CALN1: variants seen among roughly 807,000 people sequenced by gnomAD.
CALN1 encodes calcium-binding protein 8.
CALN1 carries 17 observed loss-of-function variants against 30.6 expected under a neutral mutation model. The observed-to-expected ratio is 0.56, with a 90% CI of 0.38 to 0.83. CALN1 has a LOEUF of 0.83. Among genes scored for constraint, CALN1 ranks in the 40% least tolerant of loss-of-function variants. The probability of loss-of-function intolerance (pLI) is 0.00; values close to 1 mark genes in which losing one functional copy is unlikely to be tolerated. For synonymous variants in CALN1, 156 were observed against 131.4 expected (o/e 1.19, Z -1.28); for missense variants, 291 against 354.9 (o/e 0.82, Z 1.45).
chr7:72,114,946 A>G (rs937033866), intron 3 of CALN1, among the ~76,000 whole-genome samples: 2 of 151,874 alleles, frequency 1.3e-5, no homozygotes, highest in African/African-American at 2.4e-5. Context: ...GTGAGCCAAG[A>G]TCATATCATT....
At chr7:71,858,744 C>A (rs896600932) in intron 5 of CALN1, among the ~76,000 whole-genome samples, 2 of 152,102 alleles carry the variant, frequency 1.3e-5, no homozygotes, top group African/African-American at 2.4e-5. Context: ...GACCTGGAAG[C>A]CCCCTCCCCA....
intron 3 of CALN1, among the ~76,000 whole-genome samples, chr7:72,210,937 C>A (rs1792347116): frequency 6.6e-6 from 1 of 151,842 alleles, no homozygotes; most frequent in Non-Finnish European, 1.5e-5. Flanking sequence ...AGCTTGTGGT[C>A]CCAGCTACTT....
intron 2 of CALN1, among the ~76,000 whole-genome samples, chr7:72,377,673 T>C (rs932601887): frequency 2.0e-5 from 3 of 152,198 alleles, no homozygotes; most frequent in South Asian, 4.1e-4. Flanking sequence ...TTGACAACTT[T>C]GTTCAGTTAG....
intron 2 of CALN1, among the ~76,000 whole-genome samples, chr7:72,338,782 A>C (rs1284572123): frequency 2.6e-5 from 4 of 152,122 alleles, no homozygotes; most frequent in Admixed American, 2.6e-4. Context: ...GCATTCCCTC[A>C]AACATTCATC....
At chr7:72,475,135 T>C in the CALN1 span, among the ~76,000 whole-genome samples, 1 of 152,148 alleles carries the variant, frequency 6.6e-6, no homozygotes, top group African/African-American at 2.4e-5. Flanking sequence ...CAGCAAAGAT[T>C]GAACAAAGAT....
intron 3 of CALN1, among the ~76,000 whole-genome samples, chr7:72,239,697 A>C (rs1164163009): frequency 6.6e-6 from 1 of 152,140 alleles, no homozygotes; most frequent in African/African-American, 2.4e-5. Context: ...GCTACAGAAA[A>C]AAAAAATGTG....
At chr7:72,458,278 ATATATTTTATAATATATTC>A in the CALN1 span, among the ~76,000 whole-genome samples, 113 of 57,958 alleles carry the variant, frequency 1.9e-3, 2 homozygotes, top group African/African-American at 0.012. Context: ...ATATTATATA[ATATATTTTATAATATATTC>A]TATATTATAT....
chr7:72,403,289 C>T lies in CALN1; in HGVS notation c.81G>A (p.Glu27=). 6.4e-7 allele frequency: 1 copy of T among 1,550,558 alleles called. No individual in the cohort carries two copies. Among genetic ancestry groups the T allele is most frequent in the Non-Finnish European group, 8.7e-7 (1 of 1,146,984 alleles). The change falls in exon 2 of 7, where the codon GAG becomes GAA. Residue 27 remains glutamate (E), a synonymous_variant. Coordinates refer to ENST00000395275, the MANE Select transcript of CALN1 (RefSeq NM_031468.4). ...KGDGGALGGG[E]EPPRSQAPDF... The stretch of plus-strand genomic sequence containing the variant: ...CGGGGGCCTGGCTCCTCGGCGGCTC[C>T]TCTCCCCCTCCGAGGGCTCCTCCGT...
chr7:72,023,578 A>C (rs1485943984), intron 5 of CALN1, 79 bp downstream of exon 5: 1 of 1,019,832 alleles, frequency 9.8e-7, no homozygotes, highest in Non-Finnish European at 1.5e-6. Flanking sequence ...GCCAAATAGA[A>C]GTTCAAGAAT....
At chr7:72,155,110 G>A (rs908379991) in intron 3 of CALN1, among the ~76,000 whole-genome samples, 14 of 152,046 alleles carry the variant, frequency 9.2e-5, no homozygotes, top group African/African-American at 3.1e-4. Flanking sequence ...AGAAACACCA[G>A]GGATCTCACT....
At chr7:72,076,878 T>C (rs1302355189) in intron 4 of CALN1, among the ~76,000 whole-genome samples, 1 of 152,192 alleles carries the variant, frequency 6.6e-6, no homozygotes, top group East Asian at 1.9e-4. Context: ...TCGTTCTAAG[T>C]GTCTCCAGTA....
At chr7:72,322,737 CCTAGTACTTG>C (rs1800973686) in intron 2 of CALN1, among the ~76,000 whole-genome samples, 1 of 151,658 alleles carries the variant, frequency 6.6e-6, no homozygotes, top group African/African-American at 2.4e-5. Flanking sequence ...TGAATAATAC[CCTAGTACTTG>C]CTAGGACAAC....
chr7:72,130,372 GCAAA>G (rs1809054496), intron 3 of CALN1, among the ~76,000 whole-genome samples: 1 of 152,188 alleles, frequency 6.6e-6, no homozygotes, highest in Non-Finnish European at 1.5e-5. Context: ...GAAGCCAGAT[GCAAA>G]CAGTGTGCAT....
At chr7:72,418,306 T>C (rs550849453) in intron 1 of CALN1, among the ~76,000 whole-genome samples, 67 of 152,334 alleles carry the variant, frequency 4.4e-4, no homozygotes, top group African/African-American at 1.5e-3. Context: ...CTCATTCTTT[T>C]TCATGACTGT....
intron 5 of CALN1, among the ~76,000 whole-genome samples, chr7:71,985,114 A>G (rs1168107753): frequency 1.3e-5 from 2 of 151,868 alleles, no homozygotes; most frequent in African/African-American, 2.4e-5. Context: ...CACCAAATTG[A>G]AAAACCTGGC....
chr7:72,000,355 T>C (rs1447408094), intron 5 of CALN1, among the ~76,000 whole-genome samples: 1 of 151,926 alleles, frequency 6.6e-6, no homozygotes, highest in Non-Finnish European at 1.5e-5. Context: ...TATTATTATA[T>C]ATCCTGCAAC....
At chr7:72,352,570 G>A (rs996101048) in intron 2 of CALN1, among the ~76,000 whole-genome samples, 1 of 151,932 alleles carries the variant, frequency 6.6e-6, no homozygotes, top group African/African-American at 2.4e-5. Flanking sequence ...TAATCACAAA[G>A]GAAGTTTAAA....
chr7:72,098,180 G>A (rs1022060105), intron 4 of CALN1, among the ~76,000 whole-genome samples: 4 of 152,172 alleles, frequency 2.6e-5, no homozygotes, highest in African/African-American at 9.7e-5. Flanking sequence ...AGGGCTGATG[G>A]AGGGATCCTG....
At chr7:72,171,096 T>C (rs562175081) in intron 3 of CALN1, among the ~76,000 whole-genome samples, 1 of 151,798 alleles carries the variant, frequency 6.6e-6, no homozygotes, top group South Asian at 2.1e-4. Context: ...GAGTTCGAGG[T>C]TGCAGTGAGC....
Sources: gnomAD v4.1 joint callset for allele counts (sites outside exome capture counted in the v4.1 genomes callset) on GRCh38, gnomAD v4.1.1 for gene constraint, MANE v1.5 for transcripts, NCBI Gene and HGNC (gene_info 2026-07-23, HGNC 2026-07-21) for gene names.